Variants in CARMIL1 observed in about 807,000 individuals in gnomAD.
CARMIL1 encodes the protein F-actin-uncapping protein LRRC16A.
A neutral mutation model predicts 177.1 loss-of-function variants in CARMIL1; 90 were observed. The observed-to-expected ratio is 0.51, with a 90% CI of 0.43 to 0.61. The LOEUF (loss-of-function observed/expected upper bound fraction) is 0.61. CARMIL1 is among the 20% of genes least tolerant of loss of function. The probability of loss-of-function intolerance (pLI) is 0.00; values close to 1 mark genes in which losing one functional copy is unlikely to be tolerated. For missense variants in CARMIL1, 1,380 were observed against 1,667.0 expected (o/e 0.83, Z 3.00); for synonymous variants, 577 against 606.2 (o/e 0.95, Z 0.71).
intron 36 of CARMIL1, chr6:25,612,544 A>G (rs986967642): frequency 6.2e-6 from 1 of 160,252 alleles, no homozygotes; most frequent in Non-Finnish European, 1.3e-5. Flanking sequence ...TTTGCACGAC[A>G]TTTCCATAAT....
In CARMIL1 at chr6:25,451,982, T is replaced by A. The variant is rs1474844747; in HGVS notation, c.614+1271T>A. The A allele has an allele frequency of 2.7e-5, 5 of 187,742 alleles. No homozygotes were observed. In the East Asian group the frequency reaches 4.5e-4, roughly 17 times the overall value. 11.6% of individuals were successfully genotyped at this position (187,742 alleles called of 1,614,324 possible). A position where few individuals can be genotyped will look rare whatever the true frequency, so the allele number is the denominator to read the frequency against. ...CCCATATGTCATCTCATCACTAGCA[T>A]CTTGCCCCCCCCTCCCCCCCCCAGA... On this transcript the variant is annotated intron_variant, in intron 8 of 36. Coordinates refer to ENST00000329474, the MANE Select transcript of CARMIL1 (RefSeq NM_017640.6).
At chr6:25,461,291 A>T (rs1050082844) in intron 8 of CARMIL1, among the ~76,000 whole-genome samples, 26 of 152,224 alleles carry the variant, frequency 1.7e-4, no homozygotes, top group African/African-American at 6.3e-4. Flanking sequence ...CCTTGCGTGC[A>T]TGAAGTCATG....
chr6:25,422,122 C>T (rs572622446), intron 3 of CARMIL1, among the ~76,000 whole-genome samples: 1 of 152,102 alleles, frequency 6.6e-6, no homozygotes, highest in South Asian at 2.1e-4. Context: ...AAATTAGACT[C>T]ACCATGTCCT....
At chr6:25,395,365 A>C (rs1311037272) in intron 2 of CARMIL1, among the ~76,000 whole-genome samples, 1 of 152,224 alleles carries the variant, frequency 6.6e-6, no homozygotes, top group Non-Finnish European at 1.5e-5. Flanking sequence ...ACACCGCTGA[A>C]AATTTAGAAA....
At chr6:25,364,809 T>C (rs1020969041) in intron 2 of CARMIL1, among the ~76,000 whole-genome samples, 5 of 152,076 alleles carry the variant, frequency 3.3e-5, no homozygotes, top group Non-Finnish European at 7.4e-5. Flanking sequence ...AGGTGATCCA[T>C]CCGCCTCGGC....
At chr6:25,331,093 A>G (rs1032870772) in intron 2 of CARMIL1, among the ~76,000 whole-genome samples, 1 of 152,156 alleles carries the variant, frequency 6.6e-6, no homozygotes, top group African/African-American at 2.4e-5. Context: ...CACTCAGTAT[A>G]TTCTTCTGCC....
chr6:25,284,895 G>A lies in CARMIL1; in HGVS notation c.124G>A (p.Glu42Lys). The A allele has an allele frequency of 6.4e-7, 1 of 1,559,044 alleles. No individual in the cohort carries two copies. The highest frequency in any genetic ancestry group is 8.7e-7 in the Non-Finnish European group (1 of 1,147,204). Residue 42 changes from glutamate (E) to lysine (K), a missense_variant, in exon 2 of 37, where the codon GAA becomes AAA. Glu to Lys is a moderately conservative substitution (Grantham distance 56, BLOSUM62 1). Coordinates refer to ENST00000329474, the MANE Select transcript of CARMIL1 (RefSeq NM_017640.6). The stretch of plus-strand genomic sequence containing the variant: ...GTTGGAAGTTAAGGGAGACAAAGTT[G>A]AAAACAAAGTGCTGGTAAGTATTGC... ...VKLEVKGDKV[E>K]NKVLVLTSCR...
intron 24 of CARMIL1, among the ~76,000 whole-genome samples, chr6:25,535,339 A>G (rs886436191): frequency 1.1e-4 from 17 of 152,188 alleles, no homozygotes; most frequent in African/African-American, 3.9e-4. Context: ...AAAGAAGGCT[A>G]AGGAAGAAAA....
rs568809133 is a variant in CARMIL1, at chr6:25,370,744, T to TA, written c.139-49370_139-49369insA. ...CCAGGAGTTTCATTCACTAAACATA[T>TA]TTTTTTTTTAGTTGATATATATATA... On this transcript the variant is annotated intron_variant, in intron 2 of 36. Transcript: ENST00000329474. Among the ~76,000 whole-genome samples the TA allele has an allele frequency of 2.6e-3, 382 of 149,468 alleles. 1 individual carries two copies. The highest frequency in any genetic ancestry group is 8.4e-3 in the African/African-American group (341 of 40,824).
chr6:25,396,479 A>G (rs1793405802), intron 2 of CARMIL1, among the ~76,000 whole-genome samples: 3 of 149,128 alleles, frequency 2.0e-5, no homozygotes, highest in Non-Finnish European at 4.4e-5. Context: ...CTCCTGTCTC[A>G]GCCTCCCGAG....
intron 31 of CARMIL1, among the ~76,000 whole-genome samples, chr6:25,591,980 T>C (rs1400470620): frequency 6.6e-6 from 1 of 152,198 alleles, no homozygotes; most frequent in Non-Finnish European, 1.5e-5. Flanking sequence ...GTGACTTCTG[T>C]TTCCAAGCAG....
intron 2 of CARMIL1, among the ~76,000 whole-genome samples, chr6:25,298,362 T>C (rs1002380614): frequency 5.9e-5 from 9 of 152,232 alleles, no homozygotes; most frequent in Non-Finnish European, 1.0e-4. Flanking sequence ...TTTTCTCTGC[T>C]CAGAGCTATT....
chr6:25,282,205 T>A (rs979512612), intron 1 of CARMIL1, among the ~76,000 whole-genome samples: 5 of 152,044 alleles, frequency 3.3e-5, no homozygotes, highest in African/African-American at 9.7e-5. Context: ...ATGTCACTCC[T>A]GTTACCACTT....
intron 36 of CARMIL1, among the ~76,000 whole-genome samples, chr6:25,615,535 T>G (rs1429980804): frequency 6.6e-6 from 1 of 152,256 alleles, no homozygotes; most frequent in African/African-American, 2.4e-5. Context: ...TGCGTTGTAA[T>G]GGCTCCTGTT....
At chr6:25,321,152 G>T (rs1053733436) in intron 2 of CARMIL1, among the ~76,000 whole-genome samples, 13 of 147,826 alleles carry the variant, frequency 8.8e-5, no homozygotes, top group African/African-American at 1.3e-4. Flanking sequence ...ACTACCCCTT[G>T]AGGGGAGACT....
intron 32 of CARMIL1, among the ~76,000 whole-genome samples, chr6:25,599,590 C>G (rs1815190954): frequency 6.6e-6 from 1 of 152,202 alleles, no homozygotes; most frequent in Non-Finnish European, 1.5e-5. Context: ...AGCATACTCT[C>G]TGCCTTTTGG....
intron 11 of CARMIL1, among the ~76,000 whole-genome samples, chr6:25,478,327 TC>T (rs1477140043): frequency 6.6e-6 from 1 of 152,194 alleles, no homozygotes; most frequent in East Asian, 1.9e-4. Context: ...TGGGTTTAAT[TC>T]CTGGCTTCAC....
chr6:25,295,447 C>T (rs1782307092), intron 2 of CARMIL1, among the ~76,000 whole-genome samples: 1 of 152,072 alleles, frequency 6.6e-6, no homozygotes, highest in African/African-American at 2.4e-5. Context: ...ATTTATTTCT[C>T]TTGGATAAAT....
At chr6:25,357,855 G>A (rs192335859) in intron 2 of CARMIL1, among the ~76,000 whole-genome samples, 12 of 152,324 alleles carry the variant, frequency 7.9e-5, no homozygotes, top group Admixed American at 2.6e-4. Flanking sequence ...AAATAATGCA[G>A]TATGGCAGGT....
Sources: gnomAD v4.1 joint callset for allele counts (sites outside exome capture counted in the v4.1 genomes callset) on GRCh38, gnomAD v4.1.1 for gene constraint, MANE v1.5 for transcripts, NCBI Gene and HGNC (gene_info 2026-07-23, HGNC 2026-07-21) for gene names.